SEC24C: variants seen among roughly 807,000 people sequenced by gnomAD.
The protein encoded by SEC24C is protein transport protein Sec24C.
Under a neutral mutation model 117.0 loss-of-function variants are expected in SEC24C, and 22 were observed. The observed-to-expected ratio is 0.19, with a 90% CI of 0.13 to 0.27. The LOEUF (loss-of-function observed/expected upper bound fraction) is 0.27, where lower values mean the gene tolerates loss of function less well. Among genes scored for constraint, SEC24C ranks in the 10% least tolerant of loss-of-function variants. The pLI is 1.00. For synonymous variants in SEC24C, 506 were observed against 529.4 expected (o/e 0.96, Z 0.61); for missense variants, 1,155 against 1,375.1 (o/e 0.84, Z 2.53).
intron 3 of SEC24C, among the ~76,000 whole-genome samples, chr10:73,758,413 G>A (rs1469703303): frequency 6.6e-6 from 1 of 152,168 alleles, no homozygotes. Flanking sequence ...AAGTGTTTTT[G>A]TATATTTAGT....
rs1291882238 is a variant in SEC24C, at chr10:73,768,862, A to G, written c.2234A>G (p.Lys745Arg). The G allele has an allele frequency of 1.2e-6, 2 of 1,614,120 alleles. No homozygotes were observed. The highest frequency in any genetic ancestry group is 4.5e-5 in the East Asian group (2 of 44,878). ...FLSDLRRDVQ[K>R]VVGFDAVMRV... ...AGTGACCTGCGTCGTGATGTCCAGA[A>G]GGTTGTTGGCTTTGATGCTGTGATG... Residue 745 changes from lysine to arginine, a missense_variant, in exon 16 of 23, where the codon AAG becomes AGG. Transcript: ENST00000345254.
rs112959800 is a variant in SEC24C, at chr10:73,767,280, A to C, written c.2010+110A>C. 11 of 704,700 alleles carry C rather than the reference A, an allele frequency of 1.6e-5. No homozygotes were observed. The Admixed American group carries it at 2.7e-4, about 18-fold the overall frequency. The allele number at this position is 704,700 out of a possible 1,614,324, so 43.7% of individuals were successfully genotyped here. A position where few individuals can be genotyped will look rare whatever the true frequency, so the allele number is the denominator to read the frequency against. ...CAGACACTCCACCCTTTCAAATACC[A>C]TATCTGTGACTGCCAACCTCCACTG... On this transcript the variant is annotated intron_variant, in intron 14 of 22. Transcript: ENST00000345254.
At chr10:73,758,743 A>G (rs1206594741) in intron 3 of SEC24C, among the ~76,000 whole-genome samples, 1 of 152,156 alleles carries the variant, frequency 6.6e-6, no homozygotes, top group Non-Finnish European at 1.5e-5. Flanking sequence ...TTAGTACTCC[A>G]TTCCTTTTTG....
Position 73,770,375 on chromosome 10 carries a change from G to T in SEC24C, c.2958G>T (p.Gly986=), listed in dbSNP as rs747119765. ...GGGATATATATTTACTGGAGAATGG[G>T]CTCAACCTCTTCCTCTGGGTGGGAG... ...SNGDIYLLEN[G]LNLFLWVGAS... Residue 986 remains glycine (G), a synonymous_variant, in exon 21 of 23, where the codon GGG becomes GGT. Coordinates refer to ENST00000345254, the MANE Select transcript of SEC24C (RefSeq NM_198597.3). 1.2e-6 allele frequency: 2 copies of T among 1,613,808 alleles called. No homozygotes were observed. Among genetic ancestry groups the T allele is most frequent in the African/African-American group, 1.3e-5 (1 of 74,892 alleles).
Position 73,769,521 on chromosome 10 carries a change from T to G in SEC24C, c.2563+36T>G, listed in dbSNP as rs1357613006. 4 of 1,613,898 alleles carry G rather than the reference T, an allele frequency of 2.5e-6. No individual in the cohort carries two copies. Among genetic ancestry groups the G allele is most frequent in the South Asian group, 2.2e-5 (2 of 91,068 alleles). ...AAGCAGGGCAGGGTGGGATTGGGGCTGAGAGGTCCAGGATGGTGAGTGGGT... is the reference window on the plus strand; with the variant it reads ...AAGCAGGGCAGGGTGGGATTGGGGCGGAGAGGTCCAGGATGGTGAGTGGGT... On this transcript the variant is annotated intron_variant, in intron 18 of 22. Transcript: ENST00000345254. This position sits in a 1 kb window ranked among gnomAD's most constrained non-coding sequence, Gnocchi z 4.5.
In SEC24C at chr10:73,760,042, C is replaced by G. The variant is rs2082772215; in HGVS notation, c.506C>G (p.Ala169Gly). The change falls in exon 5 of 23, where the codon GCC becomes GGC. Residue 169 changes from alanine (A) to glycine (G), a missense_variant. By Grantham distance (60) the Ala-to-Gly change is moderately conservative. This residue lies in a region of SEC24C where 396 missense variants were observed against 382.8 expected (regional missense o/e 1.03). Coordinates refer to ENST00000345254, the MANE Select transcript of SEC24C (RefSeq NM_198597.3). ...GFGPPTSLASASGSFPNSGLY... is the reference protein window; with the variant it reads ...GFGPPTSLASGSGSFPNSGLY... ...GGCCCACCAACATCGCTGGCTTCAG[C>G]CTCAGGAAGTTTCCCTAACTCTGGT... 6.3e-7 allele frequency: 1 copy of G among 1,589,588 alleles called. No homozygotes were observed. Among genetic ancestry groups the G allele is most frequent in the Non-Finnish European group, 8.6e-7 (1 of 1,164,602 alleles).
chr10:73,768,109 C>G, intron 15 of SEC24C, 102 bp downstream of exon 15: 2 of 1,075,650 alleles, frequency 1.9e-6, no homozygotes, highest in Non-Finnish European at 2.7e-6. Context: ...TGGGGCCAGG[C>G]ACGGTGCCTC....
In SEC24C at chr10:73,770,375, G is replaced by A; in HGVS notation, c.2958G>A (p.Gly986=). Residue 986 remains glycine (G), a synonymous_variant, in exon 21 of 23, where the codon GGG becomes GGA. Coordinates refer to ENST00000345254, the MANE Select transcript of SEC24C (RefSeq NM_198597.3). ...GGGATATATATTTACTGGAGAATGG[G>A]CTCAACCTCTTCCTCTGGGTGGGAG... ...SNGDIYLLEN[G]LNLFLWVGAS... is the part of the protein sequence containing the mutation. 6.2e-7 allele frequency: 1 copy of A among 1,613,808 alleles called. No individual in the cohort carries two copies.
intron 15 of SEC24C, 105 bp from the exon 16 acceptor site, chr10:73,768,705 G>A (rs1462278849): frequency 2.1e-6 from 2 of 969,026 alleles, no homozygotes; most frequent in Admixed American, 1.9e-5. Context: ...CTGTTATGAT[G>A]ATGATAATTA....
rs539878820 is a variant in SEC24C at position 73,755,144 on chromosome 10, A to C, written c.308+3901A>C. 2.6e-5 allele frequency among the ~76,000 whole-genome samples: 4 copies of C among 152,212 alleles called. No individual in the cohort carries two copies. The South Asian group carries it at 6.2e-4, about 24-fold the overall frequency. The stretch of plus-strand genomic sequence containing the variant: ...TAAGACCCCATCTCAAACAAACAAA[A>C]AAAAAACAAAAGACAATGAGAAAGA... On this transcript the variant is annotated intron_variant, in intron 3 of 22. Transcript: ENST00000345254.
chr10:73,754,729 G>A (rs781539486), intron 3 of SEC24C, among the ~76,000 whole-genome samples: 3 of 152,212 alleles, frequency 2.0e-5, no homozygotes, highest in African/African-American at 4.8e-5. Context: ...ATTTAAAGCC[G>A]TGGGACTAGA....
At position 73,746,708 on chromosome 10, in the gene SEC24C, T is replaced by C. The variant is rs530585464; in HGVS notation, c.-28-97T>C. The C allele has an allele frequency of 4.0e-6, 3 of 747,108 alleles. No homozygotes were observed. In the East Asian group the frequency reaches 8.6e-5, roughly 21 times the overall value. 46.3% of individuals were successfully genotyped at this position (747,108 alleles called of 1,614,324 possible). On this transcript the variant is annotated intron_variant, in intron 1 of 22. Coordinates refer to ENST00000345254, the MANE Select transcript of SEC24C (RefSeq NM_198597.3). ...GTGAGGATTATTAAACTGATCACTG[T>C]CTGATAAGGTCAATTTCTTTTTATC...
At chr10:73,766,314 G>A in intron 11 of SEC24C, 36 bp from the exon 12 acceptor site, 1 of 1,582,862 alleles carries the variant, frequency 6.3e-7, no homozygotes, top group Non-Finnish European at 8.6e-7. Flanking sequence ...TGGTGGAAAA[G>A]GTGGCAAGTC....
Position 73,771,025 on chromosome 10 carries a change from T to G in SEC24C, c.3215T>G (p.Leu1072Arg). The G allele has an allele frequency of 1.2e-6, 2 of 1,614,204 alleles. No individual in the cohort carries two copies. The highest frequency in any genetic ancestry group is 2.2e-5 in the South Asian group (2 of 91,088). Reference protein sequence around the residue: ...FKHFLVEDKSLSGGASYVDFL... With the variant: ...FKHFLVEDKSRSGGASYVDFL... ...CACTTCCTGGTGGAAGACAAGAGTCTGAGTGGGGGAGCATCTTATGTGGAC... is the reference window on the plus strand; with the variant it reads ...CACTTCCTGGTGGAAGACAAGAGTCGGAGTGGGGGAGCATCTTATGTGGAC... The change falls in exon 23 of 23, where the codon CTG becomes CGG. Residue 1072 changes from leucine to arginine, a missense_variant. Leu to Arg is a moderately radical substitution (Grantham distance 102). Transcript: ENST00000345254.
At position 73,771,168 on chromosome 10, in the gene SEC24C, C is replaced by A; in HGVS notation, c.*73C>A. 6.5e-7 allele frequency: 1 copy of A among 1,541,656 alleles called. No homozygotes were observed. Among genetic ancestry groups the A allele is most frequent in the Non-Finnish European group, 8.8e-7 (1 of 1,133,222 alleles). ...CCCCAGGATGTCAGAGAAATTGGGA[C>A]AGTAACATATCTTATGTAAGCTGAC... is the stretch of plus-strand genomic sequence containing the variant. On this transcript the variant is annotated 3_prime_UTR_variant, in exon 23 of 23. Coordinates refer to ENST00000345254, the MANE Select transcript of SEC24C (RefSeq NM_198597.3).
chr10:73,765,785 C>T lies in SEC24C; in HGVS notation c.1367-15C>T. The stretch of plus-strand genomic sequence containing the variant: ...AACTGGATCTTCGAGTAACACACTG[C>T]CATGCTTCCCACAGTTCCCCCCCAG... On this transcript the variant is annotated splice_polypyrimidine_tract_variant and intron_variant, in intron 9 of 22. Transcript: ENST00000345254. The T allele has an allele frequency of 6.2e-7, 1 of 1,606,398 alleles. No individual in the cohort carries two copies. Among genetic ancestry groups the T allele is most frequent in the Non-Finnish European group, 8.5e-7 (1 of 1,173,086 alleles).
intron 1 of SEC24C, among the ~76,000 whole-genome samples, chr10:73,746,366 T>C (rs2082553361): frequency 6.6e-6 from 1 of 152,226 alleles, no homozygotes. Context: ...AAATCAATTG[T>C]TCAGCACACT....
intron 6 of SEC24C, among the ~76,000 whole-genome samples, chr10:73,763,131 G>A (rs1313290137): frequency 6.6e-6 from 1 of 152,128 alleles, no homozygotes; most frequent in African/African-American, 2.4e-5. Context: ...ATGGGGGAGG[G>A]GAATGGAATC....
At position 73,769,092 on chromosome 10, in the gene SEC24C, A is replaced by G. The variant is rs1365838024; in HGVS notation, c.2364A>G (p.Thr788=). 2 of 1,614,082 alleles carry G rather than the reference A, an allele frequency of 1.2e-6. No homozygotes were observed. The highest frequency in any genetic ancestry group is 2.7e-5 in the African/African-American group (2 of 74,918). The stretch of plus-strand genomic sequence containing the variant: ...TGGCTGGGCTAGATGGGGACAAAAC[A>G]GTGACTGTGGAGTTCAAGCATGACG... ...VELAGLDGDK[T]VTVEFKHDDR... is the part of the protein sequence containing the mutation. The change falls in exon 17 of 23, where the codon ACA becomes ACG. Residue 788 remains threonine, a synonymous_variant. Coordinates refer to ENST00000345254, the MANE Select transcript of SEC24C (RefSeq NM_198597.3). This position sits in a 1 kb window ranked among gnomAD's most constrained non-coding sequence, Gnocchi z 4.5.
Sources: allele counts gnomAD v4.1 joint callset (sites outside exome capture counted in the v4.1 genomes callset), GRCh38; gene constraint gnomAD v4.1.1; regional missense constraint gnomAD v4.1.1; non-coding constraint Gnocchi (gnomAD v3.1); transcripts MANE v1.5; gene names NCBI Gene and HGNC (gene_info 2026-07-23, HGNC 2026-07-21).